Variants in KIF21B observed in about 807,000 individuals in gnomAD.
KIF21B encodes kinesin family member 21B.
In KIF21B, 85 loss-of-function variants were observed where a neutral mutation model predicts 192.9. The ratio of observed to expected loss-of-function variants is 0.44; its 90% CI spans 0.37 to 0.53. The LOEUF (loss-of-function observed/expected upper bound fraction) is 0.53. Among genes scored for constraint, KIF21B ranks in the 20% least tolerant of loss-of-function variants. The pLI is 0.00. For synonymous variants in KIF21B, 832 were observed against 884.6 expected, an observed-to-expected ratio of 0.94 and a Z score of 1.05; for missense variants, 1,716 against 2,194.8, an observed-to-expected ratio of 0.78 and a Z score of 4.36.
In KIF21B at chr1:200,988,852, G is replaced by A; in HGVS notation, c.3212C>T (p.Ser1071Phe). Reference protein sequence around the residue: ...RLRQTDMAGSSQNHLLLDALR... With the variant: ...RLRQTDMAGSFQNHLLLDALR... ...GGCGTCCAGGAGCAGATGGTTCTGG[G>A]AGGAGCCTGCCATATCCGTCTGCCT... Residue 1071 changes from serine to phenylalanine, a missense_variant, in exon 22 of 35, where the codon TCC becomes TTC. By Grantham distance (155) the Ser-to-Phe change is radical. Transcript: ENST00000461742. 1 of 1,612,562 alleles carries A rather than the reference G, an allele frequency of 6.2e-7. No homozygotes were observed. The highest frequency in any genetic ancestry group is 8.5e-7 in the Non-Finnish European group (1 of 1,179,506).
At chr1:201,013,129 C>G (rs1658327908) in intron 1 of KIF21B, among the ~76,000 whole-genome samples, 1 of 152,198 alleles carries the variant, frequency 6.6e-6, no homozygotes, top group African/African-American at 2.4e-5. Flanking sequence ...ATCCTGGGCT[C>G]ACTCTTTACC....
At chr1:201,007,363 C>CACACAGACAG (rs1367320456) in intron 3 of KIF21B, among the ~76,000 whole-genome samples, 1,510 of 118,478 alleles carry the variant, frequency 0.013, 236 homozygotes, top group Non-Finnish European at 0.019. Flanking sequence ...TAGACACACA[C>CACACAGACAG]ACACACACAG....
chr1:201,004,626 A>T, intron 6 of KIF21B, 140 bp downstream of exon 6: 1 of 1,202,476 alleles, frequency 8.3e-7, no homozygotes, highest in African/African-American at 1.5e-5. Context: ...GAAGCTGGGG[A>T]CAGGGGTGAC....
chr1:201,009,635 C>A (rs1351155894), intron 1 of KIF21B, 147 bp from the exon 2 acceptor site: 5 of 664,388 alleles, frequency 7.5e-6, no homozygotes, highest in South Asian at 5.7e-5. Flanking sequence ...AGGACATGGG[C>A]AACTTTTGTA....
Position 200,973,119 on chromosome 1 carries a change from G to A in KIF21B, c.*402C>T, listed in dbSNP as rs1284112232. 5.5e-6 allele frequency: 1 copy of A among 180,834 alleles called. No homozygotes were observed. 11.2% of individuals were successfully genotyped at this position (180,834 alleles called of 1,614,324 possible). ...TCTAGAGGCTGGGCTGGGAGAAGCG[G>A]GGAGGCCAGCTCCTCGGAAGGGTGG... On this transcript the variant is annotated 3_prime_UTR_variant, in exon 35 of 35. Transcript: ENST00000461742.
intron 34 of KIF21B, chr1:200,974,184 C>G: frequency 6.4e-7 from 1 of 1,555,908 alleles, no homozygotes; most frequent in Non-Finnish European, 8.7e-7. Context: ...CACAACTTTA[C>G]CCGGCAGTCA....
At position 201,000,000 on chromosome 1, in the gene KIF21B, G is replaced by A; in HGVS notation, c.1686-36C>T. 2 of 1,591,264 alleles carry A rather than the reference G, an allele frequency of 1.3e-6. No homozygotes were observed. The highest frequency in any genetic ancestry group is 1.7e-6 in the Non-Finnish European group (2 of 1,160,808). On this transcript the variant is annotated intron_variant, in intron 11 of 34. Coordinates refer to ENST00000461742, the MANE Select transcript of KIF21B (RefSeq NM_001252102.2). This position sits in a 1 kb window ranked among gnomAD's most constrained non-coding sequence, Gnocchi z 4.7. ...AGGACAGGGAAGCTGGATTAGGAAG[G>A]CTGCCCCTGCCCTGAGCACATGGGC...
chr1:200,996,330 G>C lies in KIF21B; in HGVS notation c.2143C>G (p.Arg715Gly), dbSNP rs921788932. ...KIKADYEKRLREMNRDLQKLQ... is the reference protein window; with the variant it reads ...KIKADYEKRLGEMNRDLQKLQ... ...TTCTGCAGGTCCCGGTTCATCTCCC[G>C]CAGCCTCTTCTCATAGTCTGCCTTG... The change falls in exon 15 of 35, where the codon CGG becomes GGG. Residue 715 changes from arginine (R) to glycine (G), a missense_variant. Physicochemically the swap from Arg to Gly is moderately radical, Grantham distance 125. Around this residue, in one of 3 missense-constraint regions of KIF21B, gnomAD observed 1,087 missense variants for 1,316.6 expected, o/e 0.83. Coordinates refer to ENST00000461742, the MANE Select transcript of KIF21B (RefSeq NM_001252102.2). The C allele has an allele frequency of 6.2e-7, 1 of 1,613,978 alleles. No homozygotes were observed. Among genetic ancestry groups the C allele is most frequent in the Non-Finnish European group, 8.5e-7 (1 of 1,180,042 alleles).
chr1:200,992,505 C>T (rs1656769499), intron 15 of KIF21B, 116 bp from the exon 16 acceptor site: 1 of 1,058,970 alleles, frequency 9.4e-7, no homozygotes, highest in Admixed American at 1.9e-5. Flanking sequence ...AGCCAGGCAA[C>T]ACTGGCTCAG....
rs941939387 is a variant in KIF21B, at chr1:200,977,155, C to G, written c.4325+57G>C. 1.7e-5 allele frequency: 26 copies of G among 1,564,434 alleles called. No homozygotes were observed. In the South Asian group the frequency reaches 2.4e-4, roughly 14 times the overall value. ...GGGGTGGGTCCCCCTGAACCAAGAC[C>G]TGGGGACCTTGCCTGGGAATGCCAA... is the stretch of plus-strand genomic sequence containing the variant. On this transcript the variant is annotated intron_variant, in intron 31 of 34. Transcript: ENST00000461742.
intron 1 of KIF21B, among the ~76,000 whole-genome samples, chr1:201,011,794 C>T (rs138857252): frequency 3.3e-5 from 5 of 152,358 alleles, no homozygotes; most frequent in African/African-American, 7.2e-5. Flanking sequence ...TTCCCTACCA[C>T]GTGGCTGCCT....
At chr1:201,004,107 CAT>C (rs1027275102) in intron 7 of KIF21B, among the ~76,000 whole-genome samples, 2 of 152,200 alleles carry the variant, frequency 1.3e-5, no homozygotes, top group African/African-American at 4.8e-5. Context: ...TCGTCTGGGT[CAT>C]ATGACTTCCC....
chr1:201,007,251 GACACAC>G (rs1198027984), intron 3 of KIF21B, among the ~76,000 whole-genome samples: 1 of 23,410 alleles, frequency 4.3e-5, no homozygotes. Flanking sequence ...CACAGAGACA[GACACAC>G]ACAGACACAC....
At chr1:201,007,124 CCA>C (rs1446201353) in intron 3 of KIF21B, among the ~76,000 whole-genome samples, 3 of 79,086 alleles carry the variant, frequency 3.8e-5, no homozygotes, top group East Asian at 8.0e-4. Context: ...ACGCAGACAC[CCA>C]CACACAGACA....
In KIF21B at chr1:200,984,983, G is replaced by C. The variant is rs374805993; in HGVS notation, c.3690-11C>G. The C allele has an allele frequency of 4.4e-6, 7 of 1,591,050 alleles. No individual in the cohort carries two copies. Among genetic ancestry groups the C allele is most frequent in the Non-Finnish European group, 6.0e-6 (7 of 1,166,034 alleles). On this transcript the variant is annotated splice_polypyrimidine_tract_variant and intron_variant, in intron 26 of 34. Transcript: ENST00000461742. ...CCCACATCTGTGGACCTGGTGAGTC[G>C]GGACAGAGGGCAGCCTGTTAGTGAC...
At position 200,973,536 on chromosome 1, in the gene KIF21B, G is replaced by A. The variant is rs1183306251; in HGVS notation, c.4857C>T (p.His1619=). 4 of 1,487,838 alleles carry A rather than the reference G, an allele frequency of 2.7e-6. No homozygotes were observed. The East Asian group carries it at 7.9e-5, about 29-fold the overall frequency. 92.2% of individuals were successfully genotyped at this position (1,487,838 alleles called of 1,614,324 possible). A position where few individuals can be genotyped will look rare whatever the true frequency, so the allele number is the denominator to read the frequency against. Residue 1619 remains histidine, a synonymous_variant, in exon 35 of 35, where the codon CAC becomes CAT. Coordinates refer to ENST00000461742, the MANE Select transcript of KIF21B (RefSeq NM_001252102.2). ...GACCTCACTCCTAGGGTGGGCCGCT[G>A]TGGGGTAACCGCCGGACACTCCAGA... ...VKFWSVRRLP[H]SGPP is the part of the protein sequence containing the mutation.
chr1:200,984,230 AT>A (rs1432637683), intron 27 of KIF21B, among the ~76,000 whole-genome samples: 2 of 152,196 alleles, frequency 1.3e-5, no homozygotes, highest in Non-Finnish European at 1.5e-5. Context: ...TTTGAGCCTC[AT>A]TTCCTCTTAT....
chr1:200,973,500 G>A lies in KIF21B; in HGVS notation c.*21C>T, dbSNP rs752987370. On this transcript the variant is annotated 3_prime_UTR_variant, in exon 35 of 35. Coordinates refer to ENST00000461742, the MANE Select transcript of KIF21B (RefSeq NM_001252102.2). ...AGGCTGCTGGGGTCGAGGGTCCGGGGGCATCCCTCTGACCTCACTCCTAGG... is the reference window on the plus strand; with the variant it reads ...AGGCTGCTGGGGTCGAGGGTCCGGGAGCATCCCTCTGACCTCACTCCTAGG... 1 of 1,440,210 alleles carries A rather than the reference G, an allele frequency of 6.9e-7. No homozygotes were observed. Among genetic ancestry groups the A allele is most frequent in the South Asian group, 1.4e-5 (1 of 69,294 alleles). The allele number at this position is 1,440,210 out of a possible 1,614,324, so 89.2% of individuals were successfully genotyped here.
At chr1:201,002,393 G>C in intron 8 of KIF21B, 43 bp from the exon 9 acceptor site, 4 of 1,580,108 alleles carry the variant, frequency 2.5e-6, no homozygotes, top group Non-Finnish European at 3.5e-6. Flanking sequence ...AGCAGAGCTC[G>C]CGGTTGGGGG....
Sources: allele counts gnomAD v4.1 joint callset (sites outside exome capture counted in the v4.1 genomes callset), GRCh38; gene constraint gnomAD v4.1.1; regional missense constraint gnomAD v4.1.1; non-coding constraint Gnocchi (gnomAD v3.1); transcripts MANE v1.5; gene names NCBI Gene and HGNC (gene_info 2026-07-23, HGNC 2026-07-21).